The following PPP1R9A variants were observed in gnomAD, a reference collection of about 807,000 sequenced individuals.
The protein encoded by PPP1R9A is protein phosphatase 1 regulatory subunit 9A, also known as neurabin-1.
In PPP1R9A, 59 loss-of-function variants were observed where a neutral mutation model predicts 141.9. The observed-to-expected ratio is 0.42, with a 90% confidence interval of 0.34 to 0.52. The LOEUF is 0.52. PPP1R9A is among the 20% of genes least tolerant of loss of function. The pLI, the probability that PPP1R9A is intolerant of heterozygous loss-of-function variation, is 0.10. For synonymous variants in PPP1R9A, 500 were observed against 569.7 expected, an observed-to-expected ratio of 0.88 and a Z score of 1.74; for missense variants, 1,444 against 1,611.9, an observed-to-expected ratio of 0.90 and a Z score of 1.78.
intron 2 of PPP1R9A, among the ~76,000 whole-genome samples, chr7:95,066,971 T>C (rs1813037545): frequency 6.6e-6 from 1 of 152,210 alleles, no homozygotes; most frequent in Admixed American, 6.5e-5. Flanking sequence ...GCCACGTTAA[T>C]GGTTGGGAAA....
intron 2 of PPP1R9A, among the ~76,000 whole-genome samples, chr7:94,952,173 A>C (rs749637317): frequency 3.9e-5 from 6 of 152,012 alleles, no homozygotes; most frequent in Non-Finnish European, 7.4e-5. Context: ...CTCATTGTTC[A>C]ACTCCCACTT....
intron 2 of PPP1R9A, among the ~76,000 whole-genome samples, chr7:95,055,977 G>A (rs1811445752): frequency 6.6e-6 from 1 of 151,986 alleles, no homozygotes; most frequent in African/African-American, 2.4e-5. Context: ...TATTAATCCA[G>A]TTATTTACTA....
chr7:95,212,263 G>A (rs944712575), intron 7 of PPP1R9A, among the ~76,000 whole-genome samples: 6 of 151,954 alleles, frequency 3.9e-5, no homozygotes, highest in African/African-American at 1.4e-4. Flanking sequence ...AATTTGTAAA[G>A]ATCAAATCCG....
chr7:94,962,306 G>T (rs1337718791), intron 2 of PPP1R9A, among the ~76,000 whole-genome samples: 1 of 151,792 alleles, frequency 6.6e-6, no homozygotes, highest in Non-Finnish European at 1.5e-5. Context: ...GTCAACTCTG[G>T]TGCCTTAGCT....
At chr7:95,012,256 C>T (rs1277496966) in intron 2 of PPP1R9A, among the ~76,000 whole-genome samples, 1 of 151,870 alleles carries the variant, frequency 6.6e-6, no homozygotes, top group Admixed American at 6.6e-5. Context: ...GAGGTCATGG[C>T]GGAAGGTAAA....
intron 2 of PPP1R9A, among the ~76,000 whole-genome samples, chr7:95,008,991 G>A (rs1804025856): frequency 6.6e-6 from 1 of 152,176 alleles, no homozygotes; most frequent in African/African-American, 2.4e-5. Flanking sequence ...TTGAGTTCAT[G>A]TCCTTTGTAG....
At chr7:95,071,449 T>C (rs949519169) in intron 2 of PPP1R9A, among the ~76,000 whole-genome samples, 2 of 152,044 alleles carry the variant, frequency 1.3e-5, no homozygotes, top group Non-Finnish European at 2.9e-5. Flanking sequence ...TTTTAAATTT[T>C]ACTTTTCCTA....
chr7:95,184,359 T>G (rs1187229071), intron 5 of PPP1R9A, among the ~76,000 whole-genome samples: 1 of 152,208 alleles, frequency 6.6e-6, no homozygotes, highest in Non-Finnish European at 1.5e-5. Context: ...GTTTCAGGTA[T>G]TAAATGTACA....
intron 2 of PPP1R9A, chr7:95,037,128 G>A (rs1584386162): frequency 1.3e-5 from 2 of 152,068 alleles, no homozygotes; most frequent in East Asian, 3.9e-4. Context: ...AAAAAAGAGG[G>A]GGAGGGAGAG....
At chr7:94,933,212 A>T (rs181999953) in intron 2 of PPP1R9A, among the ~76,000 whole-genome samples, 6 of 152,282 alleles carry the variant, frequency 3.9e-5, no homozygotes, top group African/African-American at 1.4e-4. Flanking sequence ...GTTTGCCATG[A>T]TTCCACTTGA....
At chr7:95,142,894 A>G (rs1826958844) in intron 4 of PPP1R9A, among the ~76,000 whole-genome samples, 1 of 152,048 alleles carries the variant, frequency 6.6e-6, no homozygotes, top group Non-Finnish European at 1.5e-5. Flanking sequence ...TGTGTTATAT[A>G]TATTATTTAT....
At chr7:95,015,235 CACACACACACACAT>C (rs1804938269) in intron 2 of PPP1R9A, among the ~76,000 whole-genome samples, 1 of 120,492 alleles carries the variant, frequency 8.3e-6, no homozygotes, top group Non-Finnish European at 1.9e-5. Flanking sequence ...TATACACACA[CACACACACACACAT>C]ACACACACAC....
chr7:95,138,267 T>C (rs556815294), intron 4 of PPP1R9A, among the ~76,000 whole-genome samples: 3 of 152,222 alleles, frequency 2.0e-5, no homozygotes, highest in East Asian at 1.9e-4. Flanking sequence ...GATAATTCCA[T>C]TGGAAAAAGT....
chr7:94,907,294 T>C (rs1050550614), upstream of PPP1R9A: 6 of 152,384 alleles, frequency 3.9e-5, no homozygotes, highest in African/African-American at 1.4e-4. Context: ...CATCCCTTTC[T>C]CTTTGGCAGT....
chr7:95,120,690 C>G (rs1388222277), intron 3 of PPP1R9A, 22 bp from the exon 4 acceptor site: 1 of 1,606,158 alleles, frequency 6.2e-7, no homozygotes, highest in Non-Finnish European at 8.5e-7. Context: ...TTTCACCTCC[C>G]CCCTTTTTTT....
intron 2 of PPP1R9A, among the ~76,000 whole-genome samples, chr7:95,094,024 T>C (rs938390797): frequency 6.6e-6 from 1 of 152,190 alleles, no homozygotes; most frequent in Admixed American, 6.5e-5. Flanking sequence ...GCTGATTTAT[T>C]TGAATAAAAA....
chr7:95,133,216 A>G (rs1028186973), intron 4 of PPP1R9A, among the ~76,000 whole-genome samples: 1 of 152,046 alleles, frequency 6.6e-6, no homozygotes, highest in African/African-American at 2.4e-5. Context: ...GCACCATTCA[A>G]TTGGTTAAAA....
chr7:95,066,312 G>A (rs1563187556), intron 2 of PPP1R9A, among the ~76,000 whole-genome samples: 1 of 152,146 alleles, frequency 6.6e-6, no homozygotes, highest in Non-Finnish European at 1.5e-5. Context: ...CTTCCAGCCT[G>A]CCTAACTGTG....
At chr7:95,119,465 C>CT (rs1433621819) in intron 3 of PPP1R9A, among the ~76,000 whole-genome samples, 2 of 151,940 alleles carry the variant, frequency 1.3e-5, no homozygotes, top group Non-Finnish European at 2.9e-5. Flanking sequence ...CATGACTTAT[C>CT]TTTTTTTTAG....
Sources: allele counts gnomAD v4.1 joint callset (sites outside exome capture counted in the v4.1 genomes callset), GRCh38; gene constraint gnomAD v4.1.1; transcripts MANE v1.5; gene names NCBI Gene and HGNC (gene_info 2026-07-23, HGNC 2026-07-21).